The following TANC2 variants were observed in gnomAD, a reference collection of about 807,000 sequenced individuals.
The protein encoded by TANC2 is tetratricopeptide repeat, ankyrin repeat and coiled-coil containing 2.
In TANC2, 26 loss-of-function variants were observed where a neutral mutation model predicts 210.5. The ratio of observed to expected loss-of-function variants is 0.12; its 90% CI spans 0.09 to 0.17. The LOEUF (loss-of-function observed/expected upper bound fraction) is 0.17, where lower values mean the gene tolerates loss of function less well. Among genes scored for constraint, TANC2 ranks in the 10% least tolerant of loss-of-function variants. TANC2 has a pLI of 1.00. For missense variants in TANC2, 2,129 were observed against 2,608.9 expected, an observed-to-expected ratio of 0.82 and a Z score of 4.01; for synonymous variants, 931 against 967.1, an observed-to-expected ratio of 0.96 and a Z score of 0.69.
chr17:63,409,612 A>G (rs879415569), intron 21 of TANC2, among the ~76,000 whole-genome samples: 1 of 152,184 alleles, frequency 6.6e-6, no homozygotes, highest in Non-Finnish European at 1.5e-5. Flanking sequence ...TCATTTGTAA[A>G]CATCATAGAG....
chr17:63,068,534 A>G (rs997096333), intron 2 of TANC2, among the ~76,000 whole-genome samples: 4 of 152,202 alleles, frequency 2.6e-5, no homozygotes, highest in African/African-American at 7.2e-5. Context: ...TTGAAGTACT[A>G]TAAATTTGGA....
chr17:63,218,146 G>A (rs1429728673), intron 7 of TANC2, among the ~76,000 whole-genome samples: 3 of 152,020 alleles, frequency 2.0e-5, no homozygotes, highest in Non-Finnish European at 2.9e-5. Context: ...TTAGCCAGGT[G>A]TGATGGTACA....
intron 3 of TANC2, among the ~76,000 whole-genome samples, chr17:63,097,235 TG>T (rs2037421157): frequency 6.6e-6 from 1 of 151,858 alleles, no homozygotes; most frequent in African/African-American, 2.4e-5. Context: ...TTTGTAGAAA[TG>T]GGATCCCACT....
chr17:63,360,745 T>C (rs1229197743), intron 14 of TANC2, among the ~76,000 whole-genome samples: 2 of 152,188 alleles, frequency 1.3e-5, no homozygotes, highest in African/African-American at 4.8e-5. Context: ...TCTTTCTATG[T>C]TTTGTACCCA....
chr17:63,244,321 G>C (rs2146103324), intron 8 of TANC2, among the ~76,000 whole-genome samples: 1 of 152,290 alleles, frequency 6.6e-6, no homozygotes, highest in African/African-American at 2.4e-5. Context: ...CTTTGGTTGT[G>C]CTTTGTCTTC....
At chr17:63,262,777 A>G (rs2043404612) in intron 8 of TANC2, among the ~76,000 whole-genome samples, 1 of 152,106 alleles carries the variant, frequency 6.6e-6, no homozygotes, top group Non-Finnish European at 1.5e-5. Flanking sequence ...AACTCCTCTC[A>G]ACCCCCAAAA....
intron 8 of TANC2, among the ~76,000 whole-genome samples, chr17:63,245,374 T>A (rs142733452): frequency 6.6e-6 from 1 of 152,200 alleles, no homozygotes; most frequent in Non-Finnish European, 1.5e-5. Context: ...CACCAAAGAT[T>A]TATATACTCT....
chr17:63,246,205 G>GTA (rs2042915174), intron 8 of TANC2, among the ~76,000 whole-genome samples: 1 of 149,436 alleles, frequency 6.7e-6, no homozygotes, highest in Non-Finnish European at 1.5e-5. Context: ...ATTTTATTGA[G>GTA]TATATAAACC....
chr17:63,392,729 G>A (rs896196487), intron 17 of TANC2, among the ~76,000 whole-genome samples: 6 of 152,130 alleles, frequency 3.9e-5, no homozygotes, highest in Non-Finnish European at 8.8e-5. Context: ...GAGGTGATGG[G>A]TATGCTAATT....
chr17:63,178,290 G>T (rs1229280016), intron 5 of TANC2, among the ~76,000 whole-genome samples: 4 of 151,944 alleles, frequency 2.6e-5, no homozygotes, highest in Non-Finnish European at 5.9e-5. Context: ...CCGAGATCGC[G>T]CCACTGCACT....
intron 8 of TANC2, among the ~76,000 whole-genome samples, chr17:63,252,249 G>A (rs1169521581): frequency 6.6e-6 from 1 of 151,830 alleles, no homozygotes; most frequent in South Asian, 2.1e-4. Flanking sequence ...ATGGGTCATA[G>A]TATATGTATA....
chr17:63,088,961 C>A (rs757301250), intron 3 of TANC2: 6 of 152,122 alleles, frequency 3.9e-5, no homozygotes, highest in Non-Finnish European at 8.8e-5. Flanking sequence ...GAAGGCTTTT[C>A]CATATAGATT....
At chr17:63,305,065 T>TA (rs1203193541) in intron 9 of TANC2, among the ~76,000 whole-genome samples, 1 of 152,200 alleles carries the variant, frequency 6.6e-6, no homozygotes, top group East Asian at 1.9e-4. Context: ...TCAGATGGCT[T>TA]AGACAGCAGG....
At position 62,966,970 on chromosome 17, in the gene TANC2, G is replaced by A. The variant is rs1277831492; in HGVS notation, c.-24+221G>A. The A allele has an allele frequency of 6.6e-6, 1 of 152,262 alleles. No individual in the cohort carries two copies. Among genetic ancestry groups the A allele is most frequent in the African/African-American group, 2.4e-5 (1 of 41,444 alleles). The allele number at this position is 152,262 out of a possible 1,614,324, so 9.4% of individuals were successfully genotyped here. A position where few individuals can be genotyped will look rare whatever the true frequency, so the allele number is the denominator to read the frequency against. ...GGGTCGCCACTTGGCTGTCACCGAA[G>A]ATGTCATGGAATTTGGTACCTAGAG... On this transcript the variant is annotated intron_variant, in intron 1 of 27. Coordinates refer to ENST00000689528, the Ensembl canonical transcript of TANC2. The surrounding 1 kb of genome is among the most constrained non-coding windows in gnomAD (Gnocchi z 5.1).
chr17:63,302,916 A>T (rs192839030), intron 9 of TANC2, among the ~76,000 whole-genome samples: 112 of 152,008 alleles, frequency 7.4e-4, no homozygotes, highest in Middle Eastern at 3.4e-3. Context: ...GGCATGCGCC[A>T]CCATGCCTGG....
At chr17:63,252,725 C>T (rs902867606) in intron 8 of TANC2, among the ~76,000 whole-genome samples, 3 of 152,150 alleles carry the variant, frequency 2.0e-5, no homozygotes, top group Non-Finnish European at 2.9e-5. Flanking sequence ...CAGGATCTTA[C>T]TCTTTTTTAT....
intron 1 of TANC2, among the ~76,000 whole-genome samples, chr17:62,974,371 C>T (rs1036766354): frequency 3.3e-5 from 5 of 152,082 alleles, no homozygotes; most frequent in African/African-American, 1.2e-4. Context: ...GCTCACATCT[C>T]AGTTTCTCAT....
chr17:63,169,047 GGA>G (rs1001287647), intron 5 of TANC2, among the ~76,000 whole-genome samples: 16 of 152,172 alleles, frequency 1.1e-4, no homozygotes, highest in African/African-American at 3.9e-4. Flanking sequence ...AGGAAAGAAA[GGA>G]GAGTTTCCTC....
Position 63,421,942 on chromosome 17 carries a change from A to C in TANC2, c.6212A>C (p.Glu2071Ala). Residue 2071 changes from glutamate (E) to alanine (A), a missense_variant, in exon 28 of 28, where the codon GAG (glutamate) becomes GCG (alanine). By Grantham distance (107) the Glu-to-Ala change is moderately radical. This residue lies in a region of TANC2 where 161 missense variants were observed against 178.6 expected (regional missense o/e 0.90). Coordinates refer to ENST00000689528, the Ensembl canonical transcript of TANC2. This position sits in a 1 kb window ranked among gnomAD's most constrained non-coding sequence, Gnocchi z 6.9. The stretch of plus-strand genomic sequence containing the variant: ...ATCAAACCAAAGAGACCGTTCGTGG[A>C]GTCTAATGTTTAAAAGACGTTTTGT... The C allele has an allele frequency of 6.2e-7, 1 of 1,605,130 alleles. No individual in the cohort carries two copies. The highest frequency in any genetic ancestry group is 8.5e-7 in the Non-Finnish European group (1 of 1,175,722).
Sources: gnomAD v4.1 joint callset for allele counts (sites outside exome capture counted in the v4.1 genomes callset) on GRCh38, gnomAD v4.1.1 for gene constraint, gnomAD v4.1.1 regional missense constraint, Gnocchi (gnomAD v3.1) non-coding constraint, MANE v1.5 for transcripts, NCBI Gene and HGNC (gene_info 2026-07-23, HGNC 2026-07-21) for gene names.